Variants in CAMK2D observed in about 807,000 individuals in gnomAD.
CAMK2D encodes the protein calcium/calmodulin dependent protein kinase II delta.
CAMK2D carries 37 observed loss-of-function variants against 84.0 expected under a neutral mutation model. The ratio of observed to expected loss-of-function variants is 0.44; its 90% CI spans 0.34 to 0.58. CAMK2D has a LOEUF of 0.58. Among genes scored for constraint, CAMK2D ranks in the 20% least tolerant of loss-of-function variants. CAMK2D has a pLI of 0.02. For missense variants in CAMK2D, 448 were observed against 652.5 expected, an observed-to-expected ratio of 0.69 and a Z score of 3.41; for synonymous variants, 202 against 212.5, an observed-to-expected ratio of 0.95 and a Z score of 0.43.
chr4:113,479,878 GCT>G (rs1281287846), intron 16 of CAMK2D, among the ~76,000 whole-genome samples: 1 of 152,082 alleles, frequency 6.6e-6, no homozygotes, highest in Non-Finnish European at 1.5e-5. Flanking sequence ...ACATGAGTAT[GCT>G]CTCTTATTGT....
intron 4 of CAMK2D, among the ~76,000 whole-genome samples, chr4:113,577,732 T>C (rs2098790182): frequency 6.7e-6 from 1 of 148,832 alleles, no homozygotes; most frequent in African/African-American, 2.5e-5. Context: ...GTTACAGTTT[T>C]TTCCTTTGGG....
intron 2 of CAMK2D, among the ~76,000 whole-genome samples, chr4:113,700,533 C>A (rs2099414652): frequency 6.6e-6 from 1 of 152,088 alleles, no homozygotes; most frequent in East Asian, 1.9e-4. Context: ...TATCAAATAA[C>A]CAACTCCTTC....
intron 4 of CAMK2D, among the ~76,000 whole-genome samples, chr4:113,603,773 T>TTTTATATATATATATATA (rs1447833124): frequency 7.8e-6 from 1 of 127,994 alleles, no homozygotes; most frequent in African/African-American, 3.3e-5. Context: ...TCTTGCTATT[T>TTTTATATATATATATATA]TATATATATA....
At chr4:113,600,827 G>T (rs1187569876) in intron 4 of CAMK2D, among the ~76,000 whole-genome samples, 1 of 152,076 alleles carries the variant, frequency 6.6e-6, no homozygotes, top group East Asian at 1.9e-4. Context: ...TAGAGATGAG[G>T]TCTCACTATG....
At chr4:113,754,130 C>T in intron 2 of CAMK2D, 5 of 890,456 alleles carry the variant, frequency 5.6e-6, no homozygotes, top group Non-Finnish European at 6.7e-6. Context: ...ATTGCTAATA[C>T]TCCATTTAAT....
chr4:113,458,888 T>C (rs1294405712), intron 18 of CAMK2D, among the ~76,000 whole-genome samples: 4 of 152,182 alleles, frequency 2.6e-5, no homozygotes, highest in Non-Finnish European at 4.4e-5. Context: ...TAAATTCCCT[T>C]AATGCAAGAT....
At chr4:113,625,223 T>C (rs1015036845) in intron 3 of CAMK2D, among the ~76,000 whole-genome samples, 3 of 152,170 alleles carry the variant, frequency 2.0e-5, no homozygotes, top group East Asian at 3.8e-4. Flanking sequence ...CAGTGAATAT[T>C]TATTGAGTTC....
At chr4:113,568,686 C>T (rs991190188) in intron 4 of CAMK2D, among the ~76,000 whole-genome samples, 1 of 152,188 alleles carries the variant, frequency 6.6e-6, no homozygotes, top group African/African-American at 2.4e-5. Flanking sequence ...TTTACATTCC[C>T]ACCAGCAACC....
intron 2 of CAMK2D, among the ~76,000 whole-genome samples, chr4:113,740,730 C>G (rs1378896001): frequency 2.6e-5 from 4 of 152,064 alleles, no homozygotes; most frequent in African/African-American, 9.7e-5. Flanking sequence ...CACAACCTTT[C>G]CATCAGCAAG....
intron 2 of CAMK2D, among the ~76,000 whole-genome samples, chr4:113,735,735 T>G (rs1004456505): frequency 3.3e-5 from 5 of 152,076 alleles, no homozygotes; most frequent in African/African-American, 7.2e-5. Context: ...CTCAGAAATT[T>G]TTACATTTAA....
chr4:113,678,611 C>T (rs938157246), intron 2 of CAMK2D, among the ~76,000 whole-genome samples: 11 of 151,846 alleles, frequency 7.2e-5, no homozygotes, highest in Non-Finnish European at 1.2e-4. Context: ...CTGTTTATGT[C>T]GGGAACATAC....
At chr4:113,552,953 AGTT>A (rs1284411234) in intron 4 of CAMK2D, among the ~76,000 whole-genome samples, 5 of 152,186 alleles carry the variant, frequency 3.3e-5, no homozygotes, top group Non-Finnish European at 5.9e-5. Flanking sequence ...ATTGTGGAAA[AGTT>A]AATATGAATT....
chr4:113,552,711 C>T (rs556400202), intron 4 of CAMK2D, among the ~76,000 whole-genome samples: 11 of 152,268 alleles, frequency 7.2e-5, no homozygotes, highest in South Asian at 4.1e-4. Flanking sequence ...TATGCATATG[C>T]GTACATACAT....
intron 2 of CAMK2D, among the ~76,000 whole-genome samples, chr4:113,664,658 C>T (rs2099250561): frequency 6.6e-6 from 1 of 152,042 alleles, no homozygotes; most frequent in East Asian, 1.9e-4. Flanking sequence ...CTTATTTAGC[C>T]TAATCACAGA....
intron 3 of CAMK2D, among the ~76,000 whole-genome samples, chr4:113,630,986 G>A (rs2099087357): frequency 2.0e-5 from 3 of 152,038 alleles, no homozygotes; most frequent in Admixed American, 1.3e-4. Flanking sequence ...CATGGATCAC[G>A]ACATATTAAA....
At chr4:113,649,145 C>T (rs546400728) in intron 3 of CAMK2D, among the ~76,000 whole-genome samples, 1 of 152,276 alleles carries the variant, frequency 6.6e-6, no homozygotes, top group Admixed American at 6.5e-5. Flanking sequence ...TCCCTGATCC[C>T]ATTGCTATGG....
chr4:113,601,056 T>C (rs1209092453), intron 4 of CAMK2D, among the ~76,000 whole-genome samples: 1 of 152,214 alleles, frequency 6.6e-6, no homozygotes, highest in East Asian at 1.9e-4. Context: ...TGAAAAAAAT[T>C]CTGATATCAA....
At position 113,457,471 on chromosome 4, in the gene CAMK2D, T is replaced by C; in HGVS notation, c.1399A>G (p.Arg467Gly). 6.2e-7 allele frequency: 1 copy of C among 1,613,868 alleles called. No individual in the cohort carries two copies. Among genetic ancestry groups the C allele is most frequent in the Non-Finnish European group, 8.5e-7 (1 of 1,179,770 alleles). ...CTGCCATCCATGTACTGTGTGAGCC[T>C]AATATATGCTATGCAGGCGGCATCA... ...GDDAACIAYI[R>G]LTQYMDGSGM... Residue 467 changes from arginine to glycine, a missense_variant, in exon 19 of 21, where the codon AGG (arginine) becomes GGG (glycine). Arg to Gly is a moderately radical substitution (Grantham distance 125). Coordinates refer to ENST00000511664, the MANE Select transcript of CAMK2D (RefSeq NM_001321571.2).
At chr4:113,636,330 T>A (rs2099109705) in intron 3 of CAMK2D, among the ~76,000 whole-genome samples, 1 of 152,210 alleles carries the variant, frequency 6.6e-6, no homozygotes, top group Non-Finnish European at 1.5e-5. Context: ...CCATTGCTGC[T>A]ACCTCAATTC....
Sources: gnomAD v4.1 joint callset for allele counts (sites outside exome capture counted in the v4.1 genomes callset) on GRCh38, gnomAD v4.1.1 for gene constraint, MANE v1.5 for transcripts, NCBI Gene and HGNC (gene_info 2026-07-23, HGNC 2026-07-21) for gene names.